Variants in LYRM4 observed in about 807,000 individuals in gnomAD.
LYRM4 encodes LYR motif-containing protein 4.
In LYRM4, 9 loss-of-function variants were observed where a neutral mutation model predicts 11.7. The observed-to-expected ratio is 0.77, with a 90% confidence interval of 0.46 to 1.34. LYRM4 has a LOEUF of 1.34. LYRM4 is among the 40% of genes most tolerant of loss of function. The pLI is 0.00. For missense variants in LYRM4, 133 were observed against 112.5 expected (o/e 1.18, Z -0.82); for synonymous variants, 42 against 40.4 (o/e 1.04, Z -0.15).
chr6:5,247,995 C>T (rs1764269533), intron 1 of LYRM4, among the ~76,000 whole-genome samples: 2 of 152,110 alleles, frequency 1.3e-5, no homozygotes, highest in South Asian at 2.1e-4. Context: ...TAAGTTAACA[C>T]CCAGATCCAG....
intron 2 of LYRM4, among the ~76,000 whole-genome samples, chr6:5,133,892 G>A (rs953834337): frequency 3.3e-5 from 5 of 152,074 alleles, no homozygotes; most frequent in East Asian, 1.9e-4. Flanking sequence ...TTCATTTACC[G>A]CAGTGTTTTC....
the LYRM4 span, chr6:5,088,511 G>A: frequency 6.6e-6 from 1 of 152,302 alleles, no homozygotes; most frequent in East Asian, 1.9e-4. Context: ...GAACACAGCC[G>A]TGCACACTCA....
intron 1 of LYRM4, among the ~76,000 whole-genome samples, chr6:5,251,209 T>C (rs910298218): frequency 1.3e-5 from 2 of 152,172 alleles, no homozygotes; most frequent in Non-Finnish European, 2.9e-5. Flanking sequence ...TTTCAAGAAA[T>C]ATTAGGAAGA....
intron 2 of LYRM4, among the ~76,000 whole-genome samples, chr6:5,167,653 A>G (rs1181055507): frequency 1.3e-5 from 2 of 152,184 alleles, no homozygotes; most frequent in Non-Finnish European, 2.9e-5. Flanking sequence ...TCCTGTCAAG[A>G]AGGAGGCATT....
intron 2 of LYRM4, among the ~76,000 whole-genome samples, chr6:5,182,896 TATAGAGA>T (rs1265519675): frequency 1.3e-5 from 2 of 152,228 alleles, no homozygotes; most frequent in Non-Finnish European, 2.9e-5. Context: ...TATTTTATGT[TATAGAGA>T]ATTTTTTATT....
the LYRM4 span, chr6:5,034,233 G>A: frequency 4.7e-4 from 71 of 152,290 alleles, no homozygotes; most frequent in African/African-American, 1.7e-3. Flanking sequence ...CAAATACATC[G>A]AGGCCATGGA....
At chr6:5,231,661 C>T (rs886535494) in intron 1 of LYRM4, among the ~76,000 whole-genome samples, 8 of 152,184 alleles carry the variant, frequency 5.3e-5, no homozygotes, top group African/African-American at 1.9e-4. Context: ...GGCTAAAATT[C>T]CATAAATTTG....
intron 1 of LYRM4, among the ~76,000 whole-genome samples, chr6:5,224,342 A>C (rs1486855584): frequency 6.6e-6 from 1 of 152,194 alleles, no homozygotes; most frequent in East Asian, 1.9e-4. Flanking sequence ...AACAAATGAA[A>C]ATTTAAATGA....
chr6:5,230,873 G>A (rs1271908095), intron 1 of LYRM4, among the ~76,000 whole-genome samples: 1 of 152,158 alleles, frequency 6.6e-6, no homozygotes, highest in African/African-American at 2.4e-5. Flanking sequence ...CGTCATCAAG[G>A]ATGATGAACT....
At chr6:5,066,486 G>C in the LYRM4 span, 1 of 767,856 alleles carries the variant, frequency 1.3e-6, no homozygotes, top group Non-Finnish European at 2.4e-6. Flanking sequence ...AGAAGCCATA[G>C]CGGGTGGTTT....
intron 1 of LYRM4, among the ~76,000 whole-genome samples, chr6:5,258,682 G>C (rs1764793994): frequency 6.6e-6 from 1 of 152,146 alleles, no homozygotes; most frequent in African/African-American, 2.4e-5. Flanking sequence ...TATGATCTCA[G>C]GTAACAGTAT....
At chr6:5,219,106 G>A (rs1345869794) in intron 1 of LYRM4, among the ~76,000 whole-genome samples, 1 of 152,008 alleles carries the variant, frequency 6.6e-6, no homozygotes, top group African/African-American at 2.4e-5. Flanking sequence ...AAACAAAATG[G>A]GCAACAGTAG....
At chr6:5,065,132 C>T in the LYRM4 span, among the ~76,000 whole-genome samples, 3 of 152,210 alleles carry the variant, frequency 2.0e-5, no homozygotes, top group South Asian at 2.1e-4. Flanking sequence ...ATAGCCTTTC[C>T]AGGCTTCTTT....
downstream of LYRM4, among the ~76,000 whole-genome samples, chr6:5,100,594 A>G (rs904359090): frequency 2.6e-5 from 4 of 152,136 alleles, no homozygotes; most frequent in Non-Finnish European, 4.4e-5. Flanking sequence ...GGGTGGGGTC[A>G]TGATGCAAAA....
intron 2 of LYRM4, among the ~76,000 whole-genome samples, chr6:5,128,368 A>G (rs1377843375): frequency 6.6e-6 from 1 of 152,176 alleles, no homozygotes; most frequent in Non-Finnish European, 1.5e-5. Context: ...GCAAAATAAG[A>G]ATGCCCTGTG....
chr6:5,255,645 C>A (rs909191258), intron 1 of LYRM4, among the ~76,000 whole-genome samples: 1 of 152,110 alleles, frequency 6.6e-6, no homozygotes, highest in Non-Finnish European at 1.5e-5. Flanking sequence ...TCTTCTTCAG[C>A]CAACTACTTC....
the LYRM4 span, among the ~76,000 whole-genome samples, chr6:5,059,147 C>A: frequency 7.9e-5 from 12 of 151,964 alleles, no homozygotes; most frequent in Non-Finnish European, 1.3e-4. Context: ...TCAAGACTAG[C>A]ATGGGCAATA....
the LYRM4 span, chr6:5,086,951 T>G: frequency 4.9e-6 from 1 of 203,402 alleles, no homozygotes; most frequent in Non-Finnish European, 9.9e-6. Flanking sequence ...CTAAATATCA[T>G]ATTGTAGCCC....
At chr6:5,198,274 A>C (rs1178182401) in intron 2 of LYRM4, among the ~76,000 whole-genome samples, 1 of 152,188 alleles carries the variant, frequency 6.6e-6, no homozygotes, top group African/African-American at 2.4e-5. Context: ...TACTCATAAA[A>C]CACCCAAGTG....
Sources: gnomAD v4.1 joint callset for allele counts (sites outside exome capture counted in the v4.1 genomes callset) on GRCh38, gnomAD v4.1.1 for gene constraint, MANE v1.5 for transcripts, NCBI Gene and HGNC (gene_info 2026-07-23, HGNC 2026-07-21) for gene names.